The following UNC13C variants were observed in gnomAD, a reference collection of about 807,000 sequenced individuals.
The protein encoded by UNC13C is unc-13 homolog C.
A neutral mutation model predicts 245.4 loss-of-function variants in UNC13C; 174 were observed. The observed-to-expected ratio is 0.71, with a 90% CI of 0.63 to 0.80. The LOEUF (loss-of-function observed/expected upper bound fraction) is 0.80, where lower values mean the gene tolerates loss of function less well. Ranked by LOEUF, UNC13C falls within the 30% of genes least tolerant of loss-of-function variation. The probability of loss-of-function intolerance (pLI) is 0.00; values close to 1 mark genes in which losing one functional copy is unlikely to be tolerated. For synonymous variants in UNC13C, 992 were observed against 895.1 expected, an observed-to-expected ratio of 1.11 and a Z score of -1.93; for missense variants, 2,829 against 2,602.9, an observed-to-expected ratio of 1.09 and a Z score of -1.89.
intron 19 of UNC13C, among the ~76,000 whole-genome samples, chr15:54,457,478 T>C (rs1300702115): frequency 1.3e-5 from 2 of 152,166 alleles, no homozygotes; most frequent in East Asian, 1.9e-4. Context: ...GAATGTCTTA[T>C]AGAATTCAGC....
At chr15:53,929,870 T>C in the UNC13C span, among the ~76,000 whole-genome samples, 1 of 152,052 alleles carries the variant, frequency 6.6e-6, no homozygotes, top group Non-Finnish European at 1.5e-5. Context: ...GAGAATAATA[T>C]CAAAAAGAAC....
At chr15:53,900,248 T>C in the UNC13C span, among the ~76,000 whole-genome samples, 1 of 152,188 alleles carries the variant, frequency 6.6e-6, no homozygotes, top group Non-Finnish European at 1.5e-5. Context: ...TTAACAATAA[T>C]GTGTCCCCAG....
At chr15:54,394,077 A>G (rs546845217) in intron 18 of UNC13C, among the ~76,000 whole-genome samples, 1 of 152,056 alleles carries the variant, frequency 6.6e-6, no homozygotes, top group African/African-American at 2.4e-5. Context: ...CAGACTTACT[A>G]TGGATAAATG....
At chr15:54,418,273 C>T (rs2040562618) in intron 19 of UNC13C, among the ~76,000 whole-genome samples, 1 of 152,146 alleles carries the variant, frequency 6.6e-6, no homozygotes, top group African/African-American at 2.4e-5. Context: ...GATAAAACCA[C>T]ATTTTAGCCA....
chr15:54,136,927 A>T (rs1024231892), intron 2 of UNC13C, among the ~76,000 whole-genome samples: 5 of 151,878 alleles, frequency 3.3e-5, no homozygotes, highest in African/African-American at 9.7e-5. Flanking sequence ...CTGCAGCCTC[A>T]ATATTCTCAA....
Position 54,369,199 on chromosome 15 carries a change from C to G in UNC13C, c.4714-23849C>G, listed in dbSNP as rs987456226. ...GGGATCGATGATTAACCTCCCCCCC[C>G]CAAAAAAAAAAGTTGAATGCTAGAG... is the stretch of plus-strand genomic sequence containing the variant. On this transcript the variant is annotated intron_variant, in intron 17 of 32. Transcript: ENST00000260323. Among the ~76,000 whole-genome samples, 10 of 136,166 alleles carry G rather than the reference C, an allele frequency of 7.3e-5. No homozygotes were observed. In the South Asian group the frequency reaches 1.2e-3, roughly 17 times the overall value. The allele number at this position is 136,166 out of a possible 152,430, so 89.3% of individuals were successfully genotyped here.
At chr15:54,543,503 G>A (rs558500083) in intron 26 of UNC13C, among the ~76,000 whole-genome samples, 1 of 152,114 alleles carries the variant, frequency 6.6e-6, no homozygotes, top group East Asian at 1.9e-4. Context: ...GTGAATCTAG[G>A]AGCTGGTTTT....
chr15:54,075,187 T>C (rs1461116799), intron 2 of UNC13C, among the ~76,000 whole-genome samples: 1 of 152,048 alleles, frequency 6.6e-6, no homozygotes, highest in African/African-American at 2.4e-5. Context: ...GTTTTTACTA[T>C]CAAAAGTCAC....
Position 54,300,327 on chromosome 15 carries a change from G to C in UNC13C, c.4222G>C (p.Glu1408Gln), listed in dbSNP as rs1240925585. The change falls in exon 13 of 33, where the codon GAA becomes CAA. Residue 1408 changes from glutamate (E) to glutamine (Q), a missense_variant. Transcript: ENST00000260323. The part of the protein sequence containing the change: ...FDDASQEIVD[E>Q]FAMRYGIESI... The stretch of plus-strand genomic sequence containing the variant: ...TGATGCTTCCCAAGAAATAGTTGAT[G>C]AATTTGCTATGCGTTATGGAATTGA... 2 of 1,584,700 alleles carry C rather than the reference G, an allele frequency of 1.3e-6. No homozygotes were observed. The highest frequency in any genetic ancestry group is 2.3e-5 in the South Asian group (2 of 86,870).
At chr15:54,491,226 C>G (rs1893688116) in intron 19 of UNC13C, among the ~76,000 whole-genome samples, 1 of 152,052 alleles carries the variant, frequency 6.6e-6, no homozygotes, top group Admixed American at 6.5e-5. Context: ...CACATTAATT[C>G]AGGCTCATTC....
chr15:54,471,297 A>AAAT (rs1260022150), intron 19 of UNC13C, among the ~76,000 whole-genome samples: 1 of 151,616 alleles, frequency 6.6e-6, no homozygotes, highest in Non-Finnish European at 1.5e-5. Context: ...TAGGATACTG[A>AAAT]AATTCCCTAC....
the UNC13C span, among the ~76,000 whole-genome samples, chr15:53,893,051 T>A: frequency 6.6e-6 from 1 of 152,222 alleles, no homozygotes; most frequent in African/African-American, 2.4e-5. Flanking sequence ...TCAGATGGGG[T>A]CTTTGAGTAG....
chr15:54,347,922 T>C (rs11634125), intron 17 of UNC13C, among the ~76,000 whole-genome samples: 9,717 of 152,228 alleles, frequency 0.064, 387 homozygotes, highest in Admixed American at 0.11. Context: ...TACATATATC[T>C]ATTATTTGTG....
intron 13 of UNC13C, among the ~76,000 whole-genome samples, chr15:54,305,598 T>C (rs958324628): frequency 3.3e-5 from 5 of 151,980 alleles, no homozygotes; most frequent in African/African-American, 9.7e-5. Flanking sequence ...AAACCTTGCA[T>C]CAGGGAACAA....
At chr15:53,890,265 C>T in the UNC13C span, among the ~76,000 whole-genome samples, 2 of 152,034 alleles carry the variant, frequency 1.3e-5, no homozygotes, top group Non-Finnish European at 2.9e-5. Flanking sequence ...CCTCAGCCTC[C>T]TGAGTAGCTG....
intron 2 of UNC13C, among the ~76,000 whole-genome samples, chr15:54,096,930 C>T (rs1486883838): frequency 1.3e-5 from 2 of 152,048 alleles, no homozygotes; most frequent in Non-Finnish European, 2.9e-5. Flanking sequence ...GGATATCGAC[C>T]TTAAATGGGA....
At chr15:54,225,701 C>T (rs1198305888) in intron 4 of UNC13C, among the ~76,000 whole-genome samples, 1 of 152,156 alleles carries the variant, frequency 6.6e-6, no homozygotes, top group African/African-American at 2.4e-5. Context: ...GCTTAAGAAG[C>T]TTTTGGGCTG....
At chr15:54,194,660 T>C (rs1182098442) in intron 4 of UNC13C, among the ~76,000 whole-genome samples, 1 of 152,042 alleles carries the variant, frequency 6.6e-6, no homozygotes, top group Non-Finnish European at 1.5e-5. Flanking sequence ...TGAGCTGCAT[T>C]GACTGCTGAA....
At chr15:54,514,286 C>T (rs866212939) in intron 24 of UNC13C, among the ~76,000 whole-genome samples, 8 of 152,150 alleles carry the variant, frequency 5.3e-5, no homozygotes, top group Admixed American at 6.6e-5. Context: ...CAGACATGTT[C>T]AGGGGCCTTT....
Sources: gnomAD v4.1 joint callset for allele counts (sites outside exome capture counted in the v4.1 genomes callset) on GRCh38, gnomAD v4.1.1 for gene constraint, MANE v1.5 for transcripts, NCBI Gene and HGNC (gene_info 2026-07-23, HGNC 2026-07-21) for gene names.